RBFOX1: variants seen among roughly 807,000 people sequenced by gnomAD.
The protein encoded by RBFOX1 is RNA binding fox-1 homolog 1.
A neutral mutation model predicts 57.7 loss-of-function variants in RBFOX1; 8 were observed. That is an observed-to-expected ratio of 0.14 (90% CI 0.08 to 0.25). RBFOX1 has a LOEUF of 0.25. RBFOX1 is among the 10% of genes least tolerant of loss of function. RBFOX1 has a pLI of 1.00. For missense variants in RBFOX1, 611 were observed against 548.5 expected (o/e 1.11, Z -1.14); for synonymous variants, 326 against 222.4 (o/e 1.47, Z -4.15).
chr16:7,098,087 A>T (rs1276147454), intron 4 of RBFOX1, among the ~76,000 whole-genome samples: 1 of 152,246 alleles, frequency 6.6e-6, no homozygotes, highest in Non-Finnish European at 1.5e-5. Context: ...CTAATCAAAC[A>T]GGCAAGTGGT....
chr16:6,789,915 A>T (rs1249650629), intron 3 of RBFOX1, among the ~76,000 whole-genome samples: 1 of 151,720 alleles, frequency 6.6e-6, no homozygotes, highest in African/African-American at 2.4e-5. Context: ...TTGGTTTATT[A>T]ATTAGATCTA....
chr16:6,394,321 C>A (rs549371276), intron 2 of RBFOX1, among the ~76,000 whole-genome samples: 90 of 152,214 alleles, frequency 5.9e-4, no homozygotes, highest in African/African-American at 2.1e-3. Flanking sequence ...TGCTGAGATC[C>A]ACAGATGAAA....
rs2098096009 is a variant in RBFOX1 at position 7,394,121 on chromosome 16, A to C, written c.28-124026A>C. On this transcript the variant is annotated intron_variant, in intron 4 of 15. Transcript: ENST00000550418. ...TGTCCTGGTGCGTGCCTGTAATCCT[A>C]GCTACTCTGGAGGCTGAGGCAGGAG... Among the ~76,000 whole-genome samples, 3 of 151,510 alleles carry C rather than the reference A, an allele frequency of 2.0e-5. No homozygotes were observed. The South Asian group carries it at 6.3e-4, about 32-fold the overall frequency.
At chr16:7,513,418 G>C (rs188484154) in intron 4 of RBFOX1, among the ~76,000 whole-genome samples, 1 of 152,150 alleles carries the variant, frequency 6.6e-6, no homozygotes, top group Admixed American at 6.6e-5. Flanking sequence ...TTATTTCCCA[G>C]CTTTGGTCTG....
intron 4 of RBFOX1, among the ~76,000 whole-genome samples, chr16:5,923,088 G>A (rs2058860188): frequency 6.6e-6 from 1 of 152,144 alleles, no homozygotes; most frequent in South Asian, 2.1e-4. Context: ...GCTGCTTGCT[G>A]GAGCAGCTGA....
At chr16:6,783,411 G>T (rs1603623068) in intron 3 of RBFOX1, among the ~76,000 whole-genome samples, 1 of 124,840 alleles carries the variant, frequency 8.0e-6, no homozygotes, top group African/African-American at 3.0e-5. Flanking sequence ...CCTGTTAAAG[G>T]TTTTTGCTTT....
intron 2 of RBFOX1, among the ~76,000 whole-genome samples, chr16:6,508,296 T>C (rs1273667775): frequency 6.6e-6 from 1 of 152,124 alleles, no homozygotes; most frequent in Non-Finnish European, 1.5e-5. Flanking sequence ...TGGAATAATC[T>C]GTACAACAAA....
At position 6,898,157 on chromosome 16, in the gene RBFOX1, A is replaced by C. The variant is rs1033749095; in HGVS notation, c.-15-153900A>C. On this transcript the variant is annotated intron_variant, in intron 3 of 15. Transcript: ENST00000550418. ...CTATTTTGCCAAATCATGCATCATA[A>C]TTGAGGTCGTAGCCAACGGCATTAA... is the stretch of plus-strand genomic sequence containing the variant. Among the ~76,000 whole-genome samples, 7 of 152,288 alleles carry C rather than the reference A, an allele frequency of 4.6e-5. No homozygotes were observed. The East Asian group carries it at 1.4e-3, about 29-fold the overall frequency.
intron 2 of RBFOX1, among the ~76,000 whole-genome samples, chr16:6,558,481 T>A (rs905387683): frequency 6.6e-6 from 1 of 152,094 alleles, no homozygotes; most frequent in African/African-American, 2.4e-5. Flanking sequence ...ACTGTATGAC[T>A]TGAGTCATCT....
At chr16:7,438,968 C>T (rs371305157) in intron 4 of RBFOX1, among the ~76,000 whole-genome samples, 22 of 152,174 alleles carry the variant, frequency 1.4e-4, no homozygotes, top group African/African-American at 5.3e-4. Context: ...CAGTGAGAAG[C>T]ACCTGTATGT....
chr16:6,737,004 A>C (rs2070561653), intron 3 of RBFOX1, among the ~76,000 whole-genome samples: 1 of 152,204 alleles, frequency 6.6e-6, no homozygotes, highest in Admixed American at 6.5e-5. Context: ...CTGACACGGG[A>C]ACCGTCTGAA....
intron 11 of RBFOX1, among the ~76,000 whole-genome samples, chr16:7,637,208 A>G (rs1321687241): frequency 6.6e-6 from 1 of 152,064 alleles, no homozygotes; most frequent in Non-Finnish European, 1.5e-5. Flanking sequence ...GATAAATCCT[A>G]AAGTTAATAG....
chr16:5,993,374 TGTGTGTGTGTGAGAGAGAGAGAGACAGA>T (rs1230605929), intron 4 of RBFOX1, among the ~76,000 whole-genome samples: 1 of 34,526 alleles, frequency 2.9e-5, no homozygotes, highest in Non-Finnish European at 6.3e-5. Flanking sequence ...TGTGTGTGTG[TGTGTGTGTGTGAGAGAGAGAGAGACAGA>T]GAGAGAGAGA....
chr16:6,493,140 T>A (rs1372266986), intron 2 of RBFOX1, among the ~76,000 whole-genome samples: 1 of 152,190 alleles, frequency 6.6e-6, no homozygotes, highest in Non-Finnish European at 1.5e-5. Context: ...CAGGTCAGCT[T>A]AGATACCAAC....
intron 1 of RBFOX1, among the ~76,000 whole-genome samples, chr16:6,266,490 G>C (rs1180761533): frequency 6.6e-6 from 1 of 152,170 alleles, no homozygotes; most frequent in Non-Finnish European, 1.5e-5. Context: ...TAGGCAGGCA[G>C]ATCACTTGAG....
chr16:5,815,183 A>ACAGTC (rs1182768192), intron 3 of RBFOX1, among the ~76,000 whole-genome samples: 1 of 126,540 alleles, frequency 7.9e-6, no homozygotes, highest in Non-Finnish European at 1.6e-5. Context: ...TTTTGTAGAG[A>ACAGTC]CAGTCTCACT....
Position 5,642,811 on chromosome 16 carries a change from C to T in RBFOX1, c.318+43850C>T, listed in dbSNP as rs955234092. Among the ~76,000 whole-genome samples, 4 of 152,148 alleles carry T rather than the reference C, an allele frequency of 2.6e-5. No individual in the cohort carries two copies. The East Asian group carries it at 7.7e-4, about 29-fold the overall frequency. On this transcript the variant is annotated intron_variant, in intron 3 of 19. Transcript: ENST00000641259. ...CCCCTGATGTGTGTCTTACCCAGGA[C>T]TTGGTTACAGACATAATACTAGAGG...
intron 1 of RBFOX1, among the ~76,000 whole-genome samples, chr16:6,106,887 G>A (rs1053084274): frequency 1.3e-5 from 2 of 152,012 alleles, no homozygotes; most frequent in East Asian, 3.9e-4. Context: ...TAGCCAGGAT[G>A]GTCTCAATCT....
At chr16:6,831,481 T>C (rs1362226182) in intron 3 of RBFOX1, among the ~76,000 whole-genome samples, 1 of 152,128 alleles carries the variant, frequency 6.6e-6, no homozygotes, top group African/African-American at 2.4e-5. Flanking sequence ...GCCCATTATA[T>C]ATCATTTACT....
Sources: gnomAD v4.1 joint callset for allele counts (sites outside exome capture counted in the v4.1 genomes callset) on GRCh38, gnomAD v4.1.1 for gene constraint, MANE v1.5 for transcripts, NCBI Gene and HGNC (gene_info 2026-07-23, HGNC 2026-07-21) for gene names.